Variants in PHLPP1 observed in about 807,000 individuals in gnomAD.
PHLPP1 encodes PH domain leucine-rich repeat-containing protein phosphatase 1.
PHLPP1 carries 42 observed loss-of-function variants against 117.2 expected under a neutral mutation model. That is an observed-to-expected ratio of 0.36 (90% CI 0.28 to 0.46). The LOEUF is 0.46. Ranked by LOEUF, PHLPP1 falls within the 20% of genes least tolerant of loss-of-function variation. The pLI is 1.00. For missense variants in PHLPP1, 2,084 were observed against 2,241.9 expected (o/e 0.93, Z 1.42); for synonymous variants, 1,042 against 970.7 (o/e 1.07, Z -1.37).
At chr18:62,804,166 A>G (rs943102809) in intron 1 of PHLPP1, among the ~76,000 whole-genome samples, 3 of 152,150 alleles carry the variant, frequency 2.0e-5, no homozygotes, top group African/African-American at 7.2e-5. Flanking sequence ...AAGAGAGAGA[A>G]GTGAACAGGG....
chr18:62,773,840 G>A (rs1010541771), intron 1 of PHLPP1, among the ~76,000 whole-genome samples: 6 of 152,200 alleles, frequency 3.9e-5, no homozygotes, highest in African/African-American at 1.4e-4. Flanking sequence ...GGAAGTCCAA[G>A]ATCAAGTTGC....
chr18:62,804,364 AG>A (rs147996376), intron 1 of PHLPP1, among the ~76,000 whole-genome samples: 8,627 of 152,162 alleles, frequency 0.057, 343 homozygotes, highest in Middle Eastern at 0.088. Flanking sequence ...GTGTATGTGT[AG>A]GGGGAAGGTG....
chr18:62,968,725 G>A (rs1910971707), intron 14 of PHLPP1, among the ~76,000 whole-genome samples: 2 of 151,794 alleles, frequency 1.3e-5, no homozygotes, highest in Admixed American at 1.3e-4. Context: ...TTTTAGTAGA[G>A]ACGGAGTTTC....
intron 1 of PHLPP1, among the ~76,000 whole-genome samples, chr18:62,719,870 GGGTT>G (rs1406893482): frequency 6.6e-6 from 1 of 152,028 alleles, no homozygotes; most frequent in Non-Finnish European, 1.5e-5. Context: ...AACCTGACTA[GGGTT>G]GTTTTTTAGA....
chr18:62,719,917 A>G (rs1910866592), intron 1 of PHLPP1, among the ~76,000 whole-genome samples: 1 of 152,126 alleles, frequency 6.6e-6, no homozygotes, highest in Non-Finnish European at 1.5e-5. Flanking sequence ...TGCTTTGAAT[A>G]TTTAAATATT....
In PHLPP1 at chr18:62,904,447, T is replaced by C. The variant is rs867478579; in HGVS notation, c.2648-777T>C. ...TGCATTTATAGAAGAAGGTTGAGGG[T>C]AATCCACTACTCCACTAATCCAAGT... is the stretch of plus-strand genomic sequence containing the variant. On this transcript the variant is annotated intron_variant, in intron 7 of 16. Coordinates refer to ENST00000262719, the MANE Select transcript of PHLPP1 (RefSeq NM_194449.4). Among the ~76,000 whole-genome samples the C allele has an allele frequency of 2.0e-5, 3 of 152,296 alleles. No homozygotes were observed. In the South Asian group the frequency reaches 6.2e-4, roughly 32 times the overall value.
intron 1 of PHLPP1, among the ~76,000 whole-genome samples, chr18:62,803,863 G>T (rs1290801631): frequency 6.6e-6 from 1 of 152,096 alleles, no homozygotes; most frequent in Non-Finnish European, 1.5e-5. Flanking sequence ...GCTATTGTTG[G>T]TCTTAAGCTC....
chr18:62,897,545 C>T (rs12458236), intron 6 of PHLPP1, among the ~76,000 whole-genome samples: 5,041 of 152,196 alleles, frequency 0.033, 126 homozygotes, highest in Non-Finnish European at 0.049. Context: ...ATCTGTCTGT[C>T]GCCCAGGCTG....
At chr18:62,945,851 G>C (rs1198710290) in intron 12 of PHLPP1, among the ~76,000 whole-genome samples, 1 of 152,202 alleles carries the variant, frequency 6.6e-6, no homozygotes, top group Non-Finnish European at 1.5e-5. Flanking sequence ...GAAGCAATCT[G>C]TGTAAATTAA....
intron 1 of PHLPP1, among the ~76,000 whole-genome samples, chr18:62,756,870 G>A (rs909347782): frequency 2.0e-5 from 3 of 152,266 alleles, no homozygotes; most frequent in East Asian, 1.9e-4. Context: ...TGCAGGACAG[G>A]TAGATACTTC....
intron 1 of PHLPP1, among the ~76,000 whole-genome samples, chr18:62,722,516 C>T (rs955618746): frequency 6.6e-6 from 1 of 151,944 alleles, no homozygotes; most frequent in African/African-American, 2.4e-5. Flanking sequence ...CTTTAAAGTT[C>T]CACCTTCTAA....
chr18:62,898,039 C>CTCTTTCTCCTCTT (rs1568154492), intron 6 of PHLPP1, among the ~76,000 whole-genome samples: 1 of 152,064 alleles, frequency 6.6e-6, no homozygotes, highest in Non-Finnish European at 1.5e-5. Flanking sequence ...CCTCTTTGTA[C>CTCTTTCTCCTCTT]AAAGTGTGGC....
At chr18:62,781,622 T>G (rs1340058664) in intron 1 of PHLPP1, among the ~76,000 whole-genome samples, 1 of 152,186 alleles carries the variant, frequency 6.6e-6, no homozygotes, top group Non-Finnish European at 1.5e-5. Flanking sequence ...ACAGTGTGAT[T>G]AGAGGTATAT....
chr18:62,858,721 A>G (rs1019966582), intron 3 of PHLPP1, among the ~76,000 whole-genome samples: 1 of 152,154 alleles, frequency 6.6e-6, no homozygotes, highest in Admixed American at 6.5e-5. Flanking sequence ...AACCTAGCCT[A>G]GTAGTTTGAG....
intron 9 of PHLPP1, among the ~76,000 whole-genome samples, chr18:62,919,297 A>G (rs1161685646): frequency 6.6e-6 from 1 of 152,188 alleles, no homozygotes; most frequent in African/African-American, 2.4e-5. Flanking sequence ...GACCTTTACA[A>G]GAAACACAGC....
intron 1 of PHLPP1, among the ~76,000 whole-genome samples, chr18:62,722,987 A>T (rs993579775): frequency 6.6e-6 from 1 of 152,218 alleles, no homozygotes; most frequent in African/African-American, 2.4e-5. Context: ...ACTTGGCCTC[A>T]TATACTTTTT....
chr18:62,761,843 AAGCAGTCCTCCTGCCTC>A (rs1912252774), intron 1 of PHLPP1, among the ~76,000 whole-genome samples: 1 of 152,036 alleles, frequency 6.6e-6, no homozygotes, highest in African/African-American at 2.4e-5. Flanking sequence ...CTTGGCCCTG[AAGCAGTCCTCCTGCCTC>A]AGCCTCTCAA....
chr18:62,816,813 G>T (rs1008795052), intron 1 of PHLPP1, among the ~76,000 whole-genome samples: 3 of 151,974 alleles, frequency 2.0e-5, no homozygotes, highest in African/African-American at 7.3e-5. Context: ...TTACTGTTTT[G>T]TAAAATTATT....
At chr18:62,861,698 C>T (rs991080921) in intron 4 of PHLPP1, among the ~76,000 whole-genome samples, 2 of 152,068 alleles carry the variant, frequency 1.3e-5, no homozygotes, top group African/African-American at 4.8e-5. Flanking sequence ...TTTTTAACAT[C>T]CAGAAAAAAT....
Sources: gnomAD v4.1 joint callset for allele counts (sites outside exome capture counted in the v4.1 genomes callset) on GRCh38, gnomAD v4.1.1 for gene constraint, MANE v1.5 for transcripts, NCBI Gene and HGNC (gene_info 2026-07-23, HGNC 2026-07-21) for gene names.